Variants in RAVER1 observed in about 807,000 individuals in gnomAD.
The protein encoded by RAVER1 is ribonucleoprotein, PTB binding 1.
A neutral mutation model predicts 68.4 loss-of-function variants in RAVER1; 36 were observed. The ratio of observed to expected loss-of-function variants is 0.53; its 90% CI spans 0.40 to 0.70. RAVER1 has a LOEUF of 0.70. RAVER1 is among the 30% of genes least tolerant of loss of function. The probability of loss-of-function intolerance (pLI) is 0.00; values close to 1 mark genes in which losing one functional copy is unlikely to be tolerated. For synonymous variants in RAVER1, 469 were observed against 472.7 expected (o/e 0.99, Z 0.10); for missense variants, 933 against 1,019.8 (o/e 0.91, Z 1.16).
Position 10,317,479 on chromosome 19 carries a change from T to C in RAVER1, c.2195A>G (p.Tyr732Cys), listed in dbSNP as rs2040398516. Reference sequence around the variant, plus strand: ...TTAGAAAATCCTCTTCCGCTTCAGGTAGGAGTCCGCGTAGTGGCCGCCGAG... The same window carrying C: ...TTAGAAAATCCTCTTCCGCTTCAGGCAGGAGTCCGCGTAGTGGCCGCCGAG... Reference protein sequence around the residue: ...QGLGGHYADSYLKRKRIF With the variant: ...QGLGGHYADSCLKRKRIF The change falls in exon 13 of 13, where the codon TAC (tyrosine) becomes TGC (cysteine). Residue 732 changes from tyrosine to cysteine, a missense_variant. Tyr to Cys is a radical substitution (Grantham distance 194). This residue lies in a region of RAVER1 where 699 missense variants were observed against 731.1 expected (regional missense o/e 0.96). Transcript: ENST00000617231. The surrounding 1 kb of genome is among the most constrained non-coding windows in gnomAD (Gnocchi z 4.3). The C allele has an allele frequency of 6.2e-7, 1 of 1,613,900 alleles. No homozygotes were observed. The highest frequency in any genetic ancestry group is 1.3e-5 in the African/African-American group (1 of 75,060).
rs763061018 is a variant in RAVER1, at chr19:10,322,731, C to G, written c.1087G>C (p.Gly363Arg). 4.7e-6 allele frequency: 7 copies of G among 1,501,782 alleles called. No individual in the cohort carries two copies. The highest frequency in any genetic ancestry group is 6.2e-6 in the Non-Finnish European group (7 of 1,135,090). The allele number at this position is 1,501,782 out of a possible 1,614,324, so 93.0% of individuals were successfully genotyped here. A position where few individuals can be genotyped will look rare whatever the true frequency, so the allele number is the denominator to read the frequency against. Residue 363 changes from glycine to arginine, a missense_variant, in exon 6 of 13, where the codon GGT (glycine) becomes CGT (arginine). This residue lies in a region of RAVER1 where 699 missense variants were observed against 731.1 expected (regional missense o/e 0.96). Transcript: ENST00000617231. This position sits in a 1 kb window ranked among gnomAD's most constrained non-coding sequence, Gnocchi z 4.3. The part of the protein sequence containing the change: ...GSAGGKQGLL[G>R]APPAMPLLNG... ...AGCAGCGGCATGGCTGGGGGGGCACCCAGGAGGCCTGGAGGGAGACATAGG... is the reference window on the plus strand; with the variant it reads ...AGCAGCGGCATGGCTGGGGGGGCACGCAGGAGGCCTGGAGGGAGACATAGG...
Position 10,319,237 on chromosome 19 carries a change from T to C in RAVER1, c.1774A>G (p.Met592Val), listed in dbSNP as rs762276496. Reference sequence around the variant, plus strand: ...TGGGAGAAGAGCCGCCGAGGTCCCATGTCCTGAATGAAAGCGGGAGAAGCA... The same window carrying C: ...TGGGAGAAGAGCCGCCGAGGTCCCACGTCCTGAATGAAAGCGGGAGAAGCA... Reference protein sequence around the residue: ...DSYSFDYPSDMGPRRLFSHPR... With the variant: ...DSYSFDYPSDVGPRRLFSHPR... Residue 592 changes from methionine to valine, a missense_variant, in exon 10 of 13, where the codon ATG becomes GTG. Transcript: ENST00000617231. 5 of 1,613,464 alleles carry C rather than the reference T, an allele frequency of 3.1e-6. No individual in the cohort carries two copies. Among genetic ancestry groups the C allele is most frequent in the Non-Finnish European group, 4.2e-6 (5 of 1,179,518 alleles).
intron 1 of RAVER1, among the ~76,000 whole-genome samples, chr19:10,331,951 A>G (rs1321901951): frequency 6.6e-6 from 1 of 152,016 alleles, no homozygotes; most frequent in Non-Finnish European, 1.5e-5. Context: ...ATGCCTCCCA[A>G]TTTCCTCCTG....
intron 1 of RAVER1, among the ~76,000 whole-genome samples, chr19:10,331,484 G>A (rs887366555): frequency 6.9e-6 from 1 of 144,966 alleles, no homozygotes; most frequent in East Asian, 2.1e-4. Flanking sequence ...TCAAGAGATC[G>A]AGACCATCCT....
In RAVER1 at chr19:10,329,082, CCTG is replaced by C; in HGVS notation, c.313_315del (p.Gln105del). 6.7e-7 allele frequency: 1 copy of C among 1,500,134 alleles called. No individual in the cohort carries two copies. The highest frequency in any genetic ancestry group is 8.9e-7 in the Non-Finnish European group (1 of 1,122,542). 92.9% of individuals were successfully genotyped at this position (1,500,134 alleles called of 1,614,324 possible). A position where few individuals can be genotyped will look rare whatever the true frequency, so the allele number is the denominator to read the frequency against. On this transcript the variant is annotated inframe_deletion, in exon 3 of 13. Transcript: ENST00000617231. The surrounding 1 kb of genome is among the most constrained non-coding windows in gnomAD (Gnocchi z 4.6). ...TGGAAAGCATTGATTGCGGCCTCGG[CCTG>C]CTCCCCATTCAGCAGGGTCACGAAG...
chr19:10,330,861 C>T (rs1051520734), intron 1 of RAVER1, among the ~76,000 whole-genome samples: 19 of 150,620 alleles, frequency 1.3e-4, no homozygotes, highest in East Asian at 9.8e-4. Flanking sequence ...GTCAGGAGTT[C>T]GAGACCAGCC....
At position 10,317,794 on chromosome 19, in the gene RAVER1, G is replaced by C. The variant is rs1353072834; in HGVS notation, c.1990-21C>G. ...ATTGCCTGGGAGAAATGGAGAGGTGGAACAGGTCACTCCCTGGGGGCCAGA... is the reference window on the plus strand; with the variant it reads ...ATTGCCTGGGAGAAATGGAGAGGTGCAACAGGTCACTCCCTGGGGGCCAGA... On this transcript the variant is annotated intron_variant, in intron 11 of 12. Transcript: ENST00000617231. This position sits in a 1 kb window ranked among gnomAD's most constrained non-coding sequence, Gnocchi z 4.3. 2.1e-6 allele frequency: 3 copies of C among 1,446,858 alleles called. No individual in the cohort carries two copies. Among genetic ancestry groups the C allele is most frequent in the East Asian group, 2.4e-5 (1 of 42,360 alleles). 89.6% of individuals were successfully genotyped at this position (1,446,858 alleles called of 1,614,324 possible).
Position 10,322,444 on chromosome 19 carries a change from T to C in RAVER1, c.1173+201A>G, listed in dbSNP as rs2079576524. 5.8e-6 allele frequency: 3 copies of C among 515,168 alleles called. No individual in the cohort carries two copies. The highest frequency in any genetic ancestry group is 1.0e-5 in the Non-Finnish European group (3 of 297,210). 31.9% of individuals were successfully genotyped at this position (515,168 alleles called of 1,614,324 possible). ...GGCGCTCTCAGAATGGAGGGAAAGATGGCGAACCATCATGAGCAATTGCCA... is the reference window on the plus strand; with the variant it reads ...GGCGCTCTCAGAATGGAGGGAAAGACGGCGAACCATCATGAGCAATTGCCA... On this transcript the variant is annotated intron_variant, in intron 6 of 12. Transcript: ENST00000617231. This position sits in a 1 kb window ranked among gnomAD's most constrained non-coding sequence, Gnocchi z 4.3.
rs1240586370 is a variant in RAVER1 at position 10,321,214 on chromosome 19, G to T, written c.1307C>A (p.Pro436Gln). ...GCCAAGCACGGATGGCAGCAGGGGT[G>T]GTGGCTTCCCTCGCCGGGGCGGCAG... ...PELPPRRGKP[P>Q]PLLPSVLGPA... Residue 436 changes from proline (P) to glutamine (Q), a missense_variant, in exon 8 of 13, where the codon CCA (proline) becomes CAA (glutamine). Transcript: ENST00000617231. 33 of 1,273,914 alleles carry T rather than the reference G, an allele frequency of 2.6e-5. No homozygotes were observed. Among genetic ancestry groups the T allele is most frequent in the Non-Finnish European group, 3.3e-5 (33 of 1,006,354 alleles). The allele number at this position is 1,273,914 out of a possible 1,614,324, so 78.9% of individuals were successfully genotyped here.
In RAVER1 at chr19:10,321,518, G is replaced by A; in HGVS notation, c.1261+13C>T. On this transcript the variant is annotated intron_variant, in intron 7 of 12. Transcript: ENST00000617231. ...GTGGCTGGGGGACACCGTGTGGGCA[G>A]GGTCTGCGTTACCTGCAGGCAGCTC... 1 of 1,354,448 alleles carries A rather than the reference G, an allele frequency of 7.4e-7. No individual in the cohort carries two copies. Among genetic ancestry groups the A allele is most frequent in the South Asian group, 2.3e-5 (1 of 43,310 alleles). 83.9% of individuals were successfully genotyped at this position (1,354,448 alleles called of 1,614,324 possible). A position where few individuals can be genotyped will look rare whatever the true frequency, so the allele number is the denominator to read the frequency against.
chr19:10,333,426 C>G lies in RAVER1; in HGVS notation c.82G>C (p.Glu28Gln). 6.2e-7 allele frequency: 1 copy of G among 1,613,480 alleles called. No homozygotes were observed. The highest frequency in any genetic ancestry group is 8.5e-7 in the Non-Finnish European group (1 of 1,179,806). Residue 28 changes from glutamate (E) to glutamine (Q), a missense_variant, in exon 1 of 13, where the codon GAG (glutamate) becomes CAG (glutamine). By Grantham distance (29) the Glu-to-Gln change is conservative. Transcript: ENST00000617231. This position sits in a 1 kb window ranked among gnomAD's most constrained non-coding sequence, Gnocchi z 4.2. ...GAEVEAGDAA[E>Q]RRAPEEELPP... ...AGCTCTTCTTCCGGCGCCCGGCGCT[C>G]CGCGGCATCGCCGGCTTCGACTTCG...
Position 10,322,315 on chromosome 19 carries a change from C to A in RAVER1, c.1173+330G>T, listed in dbSNP as rs1370848472. ...ATAGAGCTTCCGAGCAGAGTCTATTCACAAACTGGTGCCCAGCAGCGGCGC... is the reference window on the plus strand; with the variant it reads ...ATAGAGCTTCCGAGCAGAGTCTATTAACAAACTGGTGCCCAGCAGCGGCGC... On this transcript the variant is annotated intron_variant, in intron 6 of 12. Coordinates refer to ENST00000617231, the MANE Select transcript of RAVER1 (RefSeq NM_133452.3). The surrounding 1 kb of genome is among the most constrained non-coding windows in gnomAD (Gnocchi z 4.3). 3 of 349,674 alleles carry A rather than the reference C, an allele frequency of 8.6e-6. No homozygotes were observed. Among genetic ancestry groups the A allele is most frequent in the Non-Finnish European group, 1.6e-5 (3 of 192,996 alleles). The allele number at this position is 349,674 out of a possible 1,614,324, so 21.7% of individuals were successfully genotyped here. A position where few individuals can be genotyped will look rare whatever the true frequency, so the allele number is the denominator to read the frequency against.
In RAVER1 at chr19:10,321,229, C is replaced by T. The variant is rs1351428370; in HGVS notation, c.1292G>A (p.Arg431Gln). ...GGGLPPELPP[R>Q]RGKPPPLLPS... ...CAGCAGGGGTGGTGGCTTCCCTCGC[C>T]GGGGCGGCAGCTCCGGGGGCAGGCC... The change falls in exon 8 of 13, where the codon CGG (arginine) becomes CAG (glutamine). Residue 431 changes from arginine to glutamine, a missense_variant. By Grantham distance (43) the Arg-to-Gln change is conservative (BLOSUM62 1). This residue lies in a region of RAVER1 where 699 missense variants were observed against 731.1 expected (regional missense o/e 0.96). Transcript: ENST00000617231. The T allele has an allele frequency of 1.7e-5, 21 of 1,268,256 alleles. No individual in the cohort carries two copies. Among genetic ancestry groups the T allele is most frequent in the Admixed American group, 4.2e-5 (1 of 23,864 alleles). The allele number at this position is 1,268,256 out of a possible 1,614,324, so 78.6% of individuals were successfully genotyped here.
rs1222060713 is a variant in RAVER1, at chr19:10,318,849, C to T, written c.1845+317G>A. 4.6e-5 allele frequency among the ~76,000 whole-genome samples: 7 copies of T among 152,120 alleles called. No homozygotes were observed. The South Asian group carries it at 8.3e-4, about 18-fold the overall frequency. On this transcript the variant is annotated intron_variant, in intron 10 of 12. Coordinates refer to ENST00000617231, the MANE Select transcript of RAVER1 (RefSeq NM_133452.3). Reference sequence around the variant, plus strand: ...AGCTCACTGAGACCCAGGTGAGTGCCGGGGACCGCCCACTGCCCCATAGAG... The same window carrying T: ...AGCTCACTGAGACCCAGGTGAGTGCTGGGGACCGCCCACTGCCCCATAGAG...
At chr19:10,320,525 G>T in intron 9 of RAVER1, 130 bp downstream of exon 9, 2 of 549,180 alleles carry the variant, frequency 3.6e-6, no homozygotes, top group Non-Finnish European at 5.9e-6. Flanking sequence ...AAAAAAAAAA[G>T]CAGAGACCAT....
rs2040435160 is a variant in RAVER1, at chr19:10,321,212, G to T, written c.1309C>A (p.Pro437Thr). ...ELPPRRGKPP[P>T]LLPSVLGPAG... ...GGGCCAAGCACGGATGGCAGCAGGGGTGGTGGCTTCCCTCGCCGGGGCGGC... is the reference window on the plus strand; with the variant it reads ...GGGCCAAGCACGGATGGCAGCAGGGTTGGTGGCTTCCCTCGCCGGGGCGGC... The change falls in exon 8 of 13, where the codon CCC (proline) becomes ACC (threonine). Residue 437 changes from proline to threonine, a missense_variant. Pro to Thr is a conservative substitution (Grantham distance 38). Around this residue, in one of 3 missense-constraint regions of RAVER1, gnomAD observed 699 missense variants for 731.1 expected, o/e 0.96. Coordinates refer to ENST00000617231, the MANE Select transcript of RAVER1 (RefSeq NM_133452.3). 1.6e-6 allele frequency: 2 copies of T among 1,276,290 alleles called. No homozygotes were observed. The highest frequency in any genetic ancestry group is 2.0e-6 in the Non-Finnish European group (2 of 1,007,668). 79.1% of individuals were successfully genotyped at this position (1,276,290 alleles called of 1,614,324 possible).
intron 10 of RAVER1, 28 bp downstream of exon 10, chr19:10,319,138 T>A: frequency 6.2e-7 from 1 of 1,607,554 alleles, no homozygotes; most frequent in Non-Finnish European, 8.5e-7. Flanking sequence ...AGCTGATTGC[T>A]ACACATGCCA....
chr19:10,322,900 G>A lies in RAVER1; in HGVS notation c.1079-161C>T, dbSNP rs184446025. ...AAAGGAAGGGCCTAGAAGGGGCAGA[G>A]GCTACTCCAGTGAAGGTCAGCCCCC... On this transcript the variant is annotated intron_variant, in intron 5 of 12. Coordinates refer to ENST00000617231, the MANE Select transcript of RAVER1 (RefSeq NM_133452.3). This position sits in a 1 kb window ranked among gnomAD's most constrained non-coding sequence, Gnocchi z 4.3. Among the ~76,000 whole-genome samples the A allele has an allele frequency of 8.6e-4, 131 of 152,236 alleles. No homozygotes were observed. The highest frequency in any genetic ancestry group is 1.4e-3 in the Admixed American group (21 of 15,296).
chr19:10,320,109 A>C (rs1263396107), intron 9 of RAVER1, among the ~76,000 whole-genome samples: 1 of 152,174 alleles, frequency 6.6e-6, no homozygotes, highest in African/African-American at 2.4e-5. Flanking sequence ...CAGACGCAGG[A>C]TGACAGACAG....
Sources: gnomAD v4.1 joint callset for allele counts (sites outside exome capture counted in the v4.1 genomes callset) on GRCh38, gnomAD v4.1.1 for gene constraint, gnomAD v4.1.1 regional missense constraint, Gnocchi (gnomAD v3.1) non-coding constraint, MANE v1.5 for transcripts, NCBI Gene and HGNC (gene_info 2026-07-23, HGNC 2026-07-21) for gene names.